The following TRAK1 variants were observed in gnomAD, a reference collection of about 807,000 sequenced individuals.
TRAK1 encodes the protein trafficking kinesin protein 1.
A neutral mutation model predicts 92.1 loss-of-function variants in TRAK1; 33 were observed. The observed-to-expected ratio is 0.36, with a 90% CI of 0.27 to 0.48. The LOEUF is 0.48. Ranked by LOEUF, TRAK1 falls within the 20% of genes least tolerant of loss-of-function variation. The pLI, the probability that TRAK1 is intolerant of heterozygous loss-of-function variation, is 0.99. For synonymous variants in TRAK1, 521 were observed against 517.3 expected (o/e 1.01, Z -0.10); for missense variants, 1,123 against 1,257.9 (o/e 0.89, Z 1.62).
chr3:42,191,960 G>A (rs1705819590), intron 7 of TRAK1, among the ~76,000 whole-genome samples: 1 of 120,786 alleles, frequency 8.3e-6, no homozygotes, highest in African/African-American at 3.2e-5. Context: ...GAGTACAGTA[G>A]TTGCGATCTC....
chr3:42,074,193 C>T (rs1334653941), intron 1 of TRAK1, among the ~76,000 whole-genome samples: 2 of 152,158 alleles, frequency 1.3e-5, no homozygotes, highest in Non-Finnish European at 2.9e-5. Flanking sequence ...AATGTTTAGT[C>T]TTTGTGTTTC....
In TRAK1 at chr3:42,223,100, G is replaced by A; in HGVS notation, c.2225G>A (p.Trp742Ter). Residue 742 changes from tryptophan to a stop codon, truncating the protein, a stop_gained, in exon 16 of 16, where the codon TGG becomes TAG. Transcript: ENST00000327628. LOFTEE classifies it high-confidence loss of function. The surrounding 1 kb of genome is among the most constrained non-coding windows in gnomAD (Gnocchi z 6.1). ...ATGAGCACATCCCTGGGGCTCGTGTGGCTGTTGAAGGAGCGGGGCATTTCT... is the reference window on the plus strand; with the variant it reads ...ATGAGCACATCCCTGGGGCTCGTGTAGCTGTTGAAGGAGCGGGGCATTTCT... ...TTMSTSLGLV[W>*]LLKERGISAA... 1 of 1,614,078 alleles carries A rather than the reference G, an allele frequency of 6.2e-7. No homozygotes were observed. The highest frequency in any genetic ancestry group is 8.5e-7 in the Non-Finnish European group (1 of 1,180,018).
intron 7 of TRAK1, 96 bp downstream of exon 7, chr3:42,191,732 G>C: frequency 7.4e-7 from 1 of 1,344,282 alleles, no homozygotes; most frequent in Non-Finnish European, 1.0e-6. Context: ...TCTCCTGCCA[G>C]CCTACGGCTC....
chr3:42,190,844 G>C (rs992406040), intron 6 of TRAK1, among the ~76,000 whole-genome samples: 1 of 151,622 alleles, frequency 6.6e-6, no homozygotes, highest in Non-Finnish European at 1.5e-5. Context: ...CCACGCTGGA[G>C]TACAGTGGCG....
Position 42,184,787 on chromosome 3 carries a change from C to A in TRAK1, c.466C>A (p.His156Asn), listed in dbSNP as rs768481477. The change falls in exon 4 of 16, where the codon CAC becomes AAC. Residue 156 changes from histidine (H) to asparagine (N), a missense_variant. By Grantham distance (68) the His-to-Asn change is moderately conservative (BLOSUM62 1). Transcript: ENST00000327628. ...CGAGCTGCTGGAGGAGCAGGTGGAA[C>A]ACATCAGGGAGGAGGTAAGACATTG... ...RNELLEEQVE[H>N]IREEVSQLRH... is the part of the protein sequence containing the mutation. 97 of 1,613,628 alleles carry A rather than the reference C, an allele frequency of 6.0e-5. No homozygotes were observed. Among genetic ancestry groups the A allele is most frequent in the Non-Finnish European group, 7.8e-5 (92 of 1,179,962 alleles).
chr3:42,133,390 T>G (rs1387627865), intron 2 of TRAK1, among the ~76,000 whole-genome samples: 1 of 152,190 alleles, frequency 6.6e-6, no homozygotes, highest in Non-Finnish European at 1.5e-5. Flanking sequence ...TTTTTAAAGT[T>G]TTTATTATTT....
intron 1 of TRAK1, chr3:42,051,276 C>G (rs1211326416): frequency 6.6e-6 from 1 of 152,280 alleles, no homozygotes. Flanking sequence ...CATTGCCTCC[C>G]CAGCAGTGCA....
At chr3:42,186,929 T>C (rs1322900057) in intron 4 of TRAK1, among the ~76,000 whole-genome samples, 1 of 152,234 alleles carries the variant, frequency 6.6e-6, no homozygotes, top group Non-Finnish European at 1.5e-5. Context: ...CCATAGACCC[T>C]AAGTCAAATT....
At chr3:42,050,404 C>T (rs1702933209) in intron 1 of TRAK1, among the ~76,000 whole-genome samples, 1 of 151,996 alleles carries the variant, frequency 6.6e-6, no homozygotes, top group Admixed American at 6.6e-5. Flanking sequence ...TTTATATGAA[C>T]CTTGGGTCAG....
chr3:42,150,047 ACT>A (rs4016240), intron 2 of TRAK1, among the ~76,000 whole-genome samples: 76,607 of 151,606 alleles, frequency 0.51, 21,690 homozygotes, highest in East Asian at 0.94. Context: ...GGCCTGGAAG[ACT>A]CTGCCCTTTT....
At chr3:42,147,085 G>A (rs1242939245) in intron 2 of TRAK1, among the ~76,000 whole-genome samples, 3 of 152,132 alleles carry the variant, frequency 2.0e-5, no homozygotes, top group Admixed American at 6.6e-5. Context: ...GGCTGTTTGG[G>A]AGCTTGCAGT....
chr3:42,047,190 A>C (rs1480177258), intron 1 of TRAK1, among the ~76,000 whole-genome samples: 2 of 149,386 alleles, frequency 1.3e-5, no homozygotes, highest in Non-Finnish European at 3.0e-5. Flanking sequence ...ATACTCTCAC[A>C]AAAACTGATC....
At chr3:42,111,006 A>G (rs1007590336) in intron 1 of TRAK1, among the ~76,000 whole-genome samples, 3 of 152,172 alleles carry the variant, frequency 2.0e-5, no homozygotes, top group African/African-American at 7.2e-5. Context: ...AGTGACTACA[A>G]ATTGTGATGG....
At chr3:42,025,952 C>T (rs1458766089) in intron 1 of TRAK1, among the ~76,000 whole-genome samples, 1 of 152,092 alleles carries the variant, frequency 6.6e-6, no homozygotes, top group African/African-American at 2.4e-5. Context: ...TATTTTTTTC[C>T]CATGAACTTT....
intron 1 of TRAK1, among the ~76,000 whole-genome samples, chr3:42,038,165 A>G (rs1702393868): frequency 6.6e-6 from 1 of 152,214 alleles, no homozygotes; most frequent in African/African-American, 2.4e-5. Flanking sequence ...CAGGACCTCA[A>G]ATGGAAAGGG....
chr3:42,043,504 A>C (rs1008490663), intron 1 of TRAK1, among the ~76,000 whole-genome samples: 3 of 144,532 alleles, frequency 2.1e-5, no homozygotes, highest in East Asian at 2.0e-4. Context: ...CTCCACCCCT[A>C]CCCCCAGCCC....
intron 2 of TRAK1, among the ~76,000 whole-genome samples, chr3:42,132,350 A>G (rs1423750508): frequency 6.7e-6 from 1 of 149,898 alleles, no homozygotes; most frequent in Admixed American, 6.7e-5. Context: ...TGCATTCTCA[A>G]CCTCCCAGAC....
intron 1 of TRAK1, among the ~76,000 whole-genome samples, chr3:42,056,050 T>C (rs1703193611): frequency 1.3e-5 from 2 of 152,272 alleles, no homozygotes; most frequent in South Asian, 2.1e-4. Context: ...TCCATTGTTA[T>C]GTATTTTTAA....
chr3:42,102,801 G>A (rs984750355), intron 1 of TRAK1, among the ~76,000 whole-genome samples: 1 of 152,184 alleles, frequency 6.6e-6, no homozygotes, highest in Non-Finnish European at 1.5e-5. Context: ...GTTTAGGCAA[G>A]CCTCCTGTGC....
Sources: allele counts gnomAD v4.1 joint callset (sites outside exome capture counted in the v4.1 genomes callset), GRCh38; gene constraint gnomAD v4.1.1; non-coding constraint Gnocchi (gnomAD v3.1); transcripts MANE v1.5; gene names NCBI Gene and HGNC (gene_info 2026-07-23, HGNC 2026-07-21).